Variants in LSAMP observed in about 807,000 individuals in gnomAD.
LSAMP encodes the protein limbic system-associated membrane protein.
Under a neutral mutation model 38.6 loss-of-function variants are expected in LSAMP, and 7 were observed. The ratio of observed to expected loss-of-function variants is 0.18; its 90% CI spans 0.10 to 0.34. The LOEUF is 0.34. LSAMP is among the 10% of genes least tolerant of loss of function. The pLI is 1.00. For missense variants in LSAMP, 313 were observed against 420.0 expected, an observed-to-expected ratio of 0.75 and a Z score of 2.23; for synonymous variants, 154 against 166.8, an observed-to-expected ratio of 0.92 and a Z score of 0.59.
intron 2 of LSAMP, among the ~76,000 whole-genome samples, chr3:116,074,432 A>C (rs1318229040): frequency 6.6e-6 from 1 of 152,194 alleles, no homozygotes; most frequent in Non-Finnish European, 1.5e-5. Context: ...TAATTTTTTT[A>C]AAAAAATAAT....
intron 6 of LSAMP, among the ~76,000 whole-genome samples, chr3:115,815,294 A>G (rs1933981391): frequency 1.3e-5 from 2 of 152,190 alleles, no homozygotes; most frequent in African/African-American, 4.8e-5. Context: ...AATATAGCGT[A>G]TATAGGTAGG....
chr3:116,111,903 G>A lies in LSAMP; in HGVS notation c.156-25347C>T, dbSNP rs538210711. ...ATCAAGGGGACCCTAGCCACAAGGTGGAGGCATGTGAAAACCACTCTGCTT... is the reference window on the plus strand; with the variant it reads ...ATCAAGGGGACCCTAGCCACAAGGTAGAGGCATGTGAAAACCACTCTGCTT... On this transcript the variant is annotated intron_variant, in intron 1 of 6. Coordinates refer to ENST00000490035, the MANE Select transcript of LSAMP (RefSeq NM_002338.5). Among the ~76,000 whole-genome samples the A allele has an allele frequency of 2.6e-5, 4 of 152,340 alleles. No homozygotes were observed. In the East Asian group the frequency reaches 5.8e-4, roughly 22 times the overall value.
intron 3 of LSAMP, among the ~76,000 whole-genome samples, chr3:115,963,633 G>A (rs963762268): frequency 3.3e-5 from 5 of 152,138 alleles, no homozygotes; most frequent in African/African-American, 7.2e-5. Context: ...ACTTGAAATC[G>A]GTGTAAGAGG....
At chr3:116,202,797 A>C (rs2046005692) in intron 1 of LSAMP, among the ~76,000 whole-genome samples, 2 of 152,058 alleles carry the variant, frequency 1.3e-5, no homozygotes, top group East Asian at 3.9e-4. Flanking sequence ...AGCCTTTCCT[A>C]CTCTTCAGTA....
chr3:116,214,619 C>T (rs1283366862), intron 1 of LSAMP, among the ~76,000 whole-genome samples: 1 of 151,110 alleles, frequency 6.6e-6, no homozygotes, highest in East Asian at 2.0e-4. Flanking sequence ...TTCTCCACCT[C>T]AGCCTCCCAA....
intron 1 of LSAMP, among the ~76,000 whole-genome samples, chr3:116,211,582 G>T (rs561085206): frequency 6.2e-4 from 95 of 152,230 alleles, no homozygotes; most frequent in South Asian, 1.2e-3. Flanking sequence ...GATTTTAGGG[G>T]GTCCAAAGTG....
intron 1 of LSAMP, among the ~76,000 whole-genome samples, chr3:116,089,045 G>A (rs1436624638): frequency 1.3e-5 from 2 of 152,124 alleles, no homozygotes; most frequent in African/African-American, 4.8e-5. Context: ...TTTATAAGTC[G>A]GGTCTTTATG....
At chr3:115,968,120 C>T (rs1339943790) in intron 3 of LSAMP, among the ~76,000 whole-genome samples, 1 of 152,068 alleles carries the variant, frequency 6.6e-6, no homozygotes, top group Non-Finnish European at 1.5e-5. Context: ...CAAAGCAGGT[C>T]CAGAAATACC....
chr3:116,302,890 A>G lies in LSAMP; in HGVS notation c.155+141987T>C, dbSNP rs550956246. Among the ~76,000 whole-genome samples the G allele has an allele frequency of 2.6e-5, 4 of 152,314 alleles. No homozygotes were observed. In the South Asian group the frequency reaches 8.3e-4, roughly 32 times the overall value. On this transcript the variant is annotated intron_variant, in intron 1 of 6. Transcript: ENST00000490035. ...CATTAGGATATACAAAATAGGAAGG[A>G]CTAGCCTGTAAGTTAGTCATATACA...
At chr3:115,988,659 T>G (rs890177628) in intron 3 of LSAMP, among the ~76,000 whole-genome samples, 40 of 152,144 alleles carry the variant, frequency 2.6e-4, no homozygotes, top group Admixed American at 2.6e-3. Flanking sequence ...ACTGGACTAA[T>G]GTTGAAAATT....
chr3:116,256,326 A>G (rs2046750698), intron 1 of LSAMP, among the ~76,000 whole-genome samples: 1 of 152,194 alleles, frequency 6.6e-6, no homozygotes. Flanking sequence ...ATTTGCGCAG[A>G]CCTCAGTAGT....
chr3:115,975,559 G>A (rs189712197), intron 3 of LSAMP, among the ~76,000 whole-genome samples: 3 of 152,132 alleles, frequency 2.0e-5, no homozygotes, highest in Admixed American at 6.5e-5. Context: ...AAAGCGAGAG[G>A]GGAGATTATA....
chr3:116,357,378 G>A (rs1017845121), intron 1 of LSAMP, among the ~76,000 whole-genome samples: 5 of 152,098 alleles, frequency 3.3e-5, no homozygotes, highest in Admixed American at 2.0e-4. Context: ...TTGAGAAATA[G>A]GAATCTTTTG....
intron 1 of LSAMP, among the ~76,000 whole-genome samples, chr3:116,261,203 C>T (rs2046821076): frequency 6.6e-6 from 1 of 152,152 alleles, no homozygotes; most frequent in African/African-American, 2.4e-5. Context: ...TTTTATTCTT[C>T]TAATCTTTCC....
intron 1 of LSAMP, among the ~76,000 whole-genome samples, chr3:116,289,877 G>A (rs2047242060): frequency 6.6e-6 from 1 of 152,204 alleles, no homozygotes; most frequent in Non-Finnish European, 1.5e-5. Context: ...GTAAAGACAT[G>A]TATAGCCTGA....
chr3:116,060,649 C>T (rs965868352), intron 2 of LSAMP, among the ~76,000 whole-genome samples: 1 of 151,988 alleles, frequency 6.6e-6, no homozygotes, highest in East Asian at 1.9e-4. Context: ...AATCCCAGCT[C>T]CTTGGGAGGC....
chr3:116,393,093 G>T (rs544836674), intron 1 of LSAMP, among the ~76,000 whole-genome samples: 2 of 152,080 alleles, frequency 1.3e-5, no homozygotes, highest in African/African-American at 2.4e-5. Context: ...CTTCCAAGTC[G>T]CAGGACAAGA....
chr3:115,815,301 T>A (rs879391698), intron 6 of LSAMP, among the ~76,000 whole-genome samples: 1 of 152,156 alleles, frequency 6.6e-6, no homozygotes, highest in Admixed American at 6.5e-5. Flanking sequence ...CGTATATAGG[T>A]AGGGTTCTGT....
chr3:115,883,153 C>T (rs1295002855), intron 3 of LSAMP, among the ~76,000 whole-genome samples: 2 of 151,976 alleles, frequency 1.3e-5, no homozygotes, highest in Non-Finnish European at 1.5e-5. Context: ...TTTATTTCAT[C>T]AATTGCCACT....
Sources: allele counts gnomAD v4.1 joint callset (sites outside exome capture counted in the v4.1 genomes callset), GRCh38; gene constraint gnomAD v4.1.1; transcripts MANE v1.5; gene names NCBI Gene and HGNC (gene_info 2026-07-23, HGNC 2026-07-21).